The following GPC6 variants were observed in gnomAD, a reference collection of about 807,000 sequenced individuals.
GPC6 encodes the protein glypican 6, also known as glypican-6.
A neutral mutation model predicts 55.2 loss-of-function variants in GPC6; 14 were observed. The observed-to-expected ratio is 0.25, with a 90% CI of 0.17 to 0.40. The LOEUF (loss-of-function observed/expected upper bound fraction) is 0.40, where lower values mean the gene tolerates loss of function less well. Among genes scored for constraint, GPC6 ranks in the 10% least tolerant of loss-of-function variants. The pLI is 1.00. For missense variants in GPC6, 641 were observed against 708.5 expected, an observed-to-expected ratio of 0.90 and a Z score of 1.08; for synonymous variants, 278 against 259.6, an observed-to-expected ratio of 1.07 and a Z score of -0.68.
Position 93,617,900 on chromosome 13 carries a change from C to G in GPC6, c.319+72479C>G, listed in dbSNP as rs1466626504. Among the ~76,000 whole-genome samples the G allele has an allele frequency of 2.6e-5, 4 of 151,986 alleles. No homozygotes were observed. In the East Asian group the frequency reaches 7.7e-4, roughly 29 times the overall value. On this transcript the variant is annotated intron_variant, in intron 2 of 8. Transcript: ENST00000377047. ...TCAGGTGTGTTATTCCTTACATATACTAAAAACAAATCATGATTACTGTAA... is the reference window on the plus strand; with the variant it reads ...TCAGGTGTGTTATTCCTTACATATAGTAAAAACAAATCATGATTACTGTAA...
At chr13:93,727,272 CT>C (rs2138831294) in intron 2 of GPC6, among the ~76,000 whole-genome samples, 1 of 152,282 alleles carries the variant, frequency 6.6e-6, no homozygotes, top group South Asian at 2.1e-4. Flanking sequence ...AATATGGACT[CT>C]GTTCAGGAAT....
chr13:94,139,346 A>T (rs1330438486), intron 4 of GPC6, among the ~76,000 whole-genome samples: 1 of 152,208 alleles, frequency 6.6e-6, no homozygotes, highest in African/African-American at 2.4e-5. Flanking sequence ...TCAGAAAGGA[A>T]CTACAAAGAA....
intron 1 of GPC6, among the ~76,000 whole-genome samples, chr13:93,471,374 A>G (rs1461661759): frequency 6.6e-6 from 1 of 151,366 alleles, no homozygotes; most frequent in Non-Finnish European, 1.5e-5. Flanking sequence ...AAAAAAAAAA[A>G]AAAAAATTAG....
At chr13:93,612,781 A>C (rs1277365670) in intron 2 of GPC6, among the ~76,000 whole-genome samples, 1 of 152,212 alleles carries the variant, frequency 6.6e-6, no homozygotes, top group African/African-American at 2.4e-5. Flanking sequence ...AGATTAAAGA[A>C]TATTTTTCCA....
chr13:93,739,797 T>G (rs1884138367), intron 2 of GPC6, among the ~76,000 whole-genome samples: 2 of 152,304 alleles, frequency 1.3e-5, no homozygotes, highest in South Asian at 2.1e-4. Context: ...GCGTAGGGAT[T>G]TAATCCCTTA....
intron 2 of GPC6, among the ~76,000 whole-genome samples, chr13:93,600,949 CAAAAAAAAA>C (rs1196219049): frequency 3.7e-5 from 1 of 27,024 alleles, no homozygotes; most frequent in Non-Finnish European, 8.1e-5. Context: ...AATTCCGCCT[CAAAAAAAAA>C]AAAAAAAAGA....
intron 4 of GPC6, among the ~76,000 whole-genome samples, chr13:94,279,076 T>C (rs1302557377): frequency 2.0e-5 from 3 of 152,162 alleles, no homozygotes; most frequent in Non-Finnish European, 2.9e-5. Flanking sequence ...TGGGCTTTTT[T>C]TGGTTGGTAG....
In GPC6 at chr13:93,445,897, C is replaced by A. The variant is rs558556656; in HGVS notation, c.161-99366C>A. 1.8e-3 allele frequency among the ~76,000 whole-genome samples: 267 copies of A among 152,184 alleles called. 6 individuals carry two copies. Among genetic ancestry groups the A allele is most frequent in the Non-Finnish European group, 2.5e-4 (17 of 68,004 alleles). On this transcript the variant is annotated intron_variant, in intron 1 of 8. Coordinates refer to ENST00000377047, the MANE Select transcript of GPC6 (RefSeq NM_005708.5). ...CAAAGAACTCTTCAGGAAAGCTATT[C>A]TTTTTAAAGAAATTTCCACTGGGCT...
At chr13:93,524,569 C>T (rs527433743) in intron 1 of GPC6, among the ~76,000 whole-genome samples, 3 of 152,128 alleles carry the variant, frequency 2.0e-5, no homozygotes, top group South Asian at 4.1e-4. Flanking sequence ...ATGTTTGCCT[C>T]TCTCATACAT....
At chr13:93,893,143 TC>T (rs1325171731) in intron 3 of GPC6, among the ~76,000 whole-genome samples, 2 of 149,904 alleles carry the variant, frequency 1.3e-5, no homozygotes, top group Admixed American at 6.7e-5. Context: ...CACTGCAACC[TC>T]CACCTCCCAG....
intron 6 of GPC6, among the ~76,000 whole-genome samples, chr13:94,307,865 A>T (rs1466508401): frequency 6.6e-6 from 1 of 152,162 alleles, no homozygotes; most frequent in East Asian, 1.9e-4. Context: ...TAACTTAGTT[A>T]TTGGAACAAT....
At chr13:93,749,402 T>G (rs1218315966) in intron 2 of GPC6, among the ~76,000 whole-genome samples, 2 of 152,036 alleles carry the variant, frequency 1.3e-5, no homozygotes, top group Non-Finnish European at 2.9e-5. Flanking sequence ...CAGAATTTTT[T>G]CTTTGACTTT....
intron 4 of GPC6, among the ~76,000 whole-genome samples, chr13:94,245,950 A>G (rs879127631): frequency 6.6e-6 from 1 of 152,138 alleles, no homozygotes; most frequent in Admixed American, 6.6e-5. Flanking sequence ...ATTGTTTCCT[A>G]TAATGGCTGC....
At chr13:93,749,221 G>A (rs1183080155) in intron 2 of GPC6, among the ~76,000 whole-genome samples, 1 of 151,716 alleles carries the variant, frequency 6.6e-6, no homozygotes, top group Non-Finnish European at 1.5e-5. Flanking sequence ...AACTTTGATT[G>A]TTTTAACCTT....
intron 4 of GPC6, among the ~76,000 whole-genome samples, chr13:94,149,609 T>C (rs929968741): frequency 6.6e-6 from 1 of 152,136 alleles, no homozygotes; most frequent in Non-Finnish European, 1.5e-5. Context: ...AGTTATCATA[T>C]TTGGAATCGT....
chr13:93,732,919 A>G (rs961903393), intron 2 of GPC6, among the ~76,000 whole-genome samples: 18 of 152,006 alleles, frequency 1.2e-4, no homozygotes. Context: ...GAAATATTTT[A>G]CGTTGTTTTT....
chr13:93,872,829 T>C (rs1008691755), intron 3 of GPC6, among the ~76,000 whole-genome samples: 4 of 152,002 alleles, frequency 2.6e-5, no homozygotes, highest in African/African-American at 9.7e-5. Context: ...CACTTAGAAA[T>C]GATTTGTGTT....
At chr13:93,874,525 G>C (rs946755483) in intron 3 of GPC6, among the ~76,000 whole-genome samples, 2 of 150,712 alleles carry the variant, frequency 1.3e-5, no homozygotes, top group Admixed American at 1.3e-4. Context: ...GTTAGCATCA[G>C]GTCATGACAC....
chr13:94,193,637 G>T (rs1427138974), intron 4 of GPC6, among the ~76,000 whole-genome samples: 1 of 152,166 alleles, frequency 6.6e-6, no homozygotes, highest in Non-Finnish European at 1.5e-5. Context: ...GTCGCTTGGG[G>T]TATAGGAGAA....
Sources: allele counts gnomAD v4.1 joint callset (sites outside exome capture counted in the v4.1 genomes callset), GRCh38; gene constraint gnomAD v4.1.1; transcripts MANE v1.5; gene names NCBI Gene and HGNC (gene_info 2026-07-23, HGNC 2026-07-21).